The following OR10J1 variants were observed in gnomAD, a reference collection of about 807,000 sequenced individuals.
The protein encoded by OR10J1 is olfactory receptor 10J1.
For synonymous variants in OR10J1, 202 were observed against 143.8 expected (o/e 1.40, Z -2.89); for missense variants, 474 against 376.6 (o/e 1.26, Z -2.14).
the OR10J1 span, among the ~76,000 whole-genome samples, chr1:159,425,916 G>A: frequency 4.0e-5 from 6 of 151,872 alleles, no homozygotes; most frequent in Non-Finnish European, 8.8e-5. Context: ...GCCTCCAAAA[G>A]GCAAGAATTA....
chr1:159,405,272 A>T, the OR10J1 span, among the ~76,000 whole-genome samples: 59 of 152,160 alleles, frequency 3.9e-4, no homozygotes, highest in Non-Finnish European at 8.8e-5. Context: ...AAGGCATCCA[A>T]CATGAATCTT....
At chr1:159,416,597 A>C in the OR10J1 span, among the ~76,000 whole-genome samples, 8 of 152,040 alleles carry the variant, frequency 5.3e-5, no homozygotes, top group South Asian at 1.7e-3. Context: ...GCTGCCTCAT[A>C]CAATGAGTTA....
chr1:159,440,065 A>T lies in OR10J1; in HGVS notation c.274A>T (p.Ile92Leu). ...CAGCCTCGTAGGTATGAGCCAGCCCATATCATTGGCAGGGTGTGCCACACA... is the reference window on the plus strand; with the variant it reads ...CAGCCTCGTAGGTATGAGCCAGCCCTTATCATTGGCAGGGTGTGCCACACA... ...LSSLVGMSQPISLAGCATQMF... is the reference protein window; with the variant it reads ...LSSLVGMSQPLSLAGCATQMF... Residue 92 changes from isoleucine to leucine, a missense_variant, in exon 1 of 1, where the codon ATA (isoleucine) becomes TTA (leucine). Coordinates refer to ENST00000423932, the MANE Select transcript of OR10J1 (RefSeq NM_012351.3). 6.2e-7 allele frequency: 1 copy of T among 1,614,116 alleles called. No individual in the cohort carries two copies. Among genetic ancestry groups the T allele is most frequent in the Non-Finnish European group, 8.5e-7 (1 of 1,180,012 alleles).
the OR10J1 span, among the ~76,000 whole-genome samples, chr1:159,401,127 C>T: frequency 6.6e-6 from 1 of 151,094 alleles, no homozygotes; most frequent in Non-Finnish European, 1.5e-5. Context: ...AATTTTTCAG[C>T]TATAAGTGCC....
chr1:159,414,765 G>A, the OR10J1 span, among the ~76,000 whole-genome samples: 2 of 151,890 alleles, frequency 1.3e-5, no homozygotes, highest in Admixed American at 6.6e-5. Flanking sequence ...TTTAGTAATA[G>A]CCATTCTAAC....
the OR10J1 span, among the ~76,000 whole-genome samples, chr1:159,416,133 G>A: frequency 6.6e-6 from 1 of 151,890 alleles, no homozygotes; most frequent in Non-Finnish European, 1.5e-5. Flanking sequence ...TCAGCAAAGA[G>A]TGACAATTTG....
At chr1:159,397,540 A>C in the OR10J1 span, among the ~76,000 whole-genome samples, 1 of 152,086 alleles carries the variant, frequency 6.6e-6, no homozygotes, top group Non-Finnish European at 1.5e-5. Context: ...GGTGAGTCCC[A>C]GGCTAGACAA....
At chr1:159,416,959 G>T in the OR10J1 span, among the ~76,000 whole-genome samples, 1 of 151,564 alleles carries the variant, frequency 6.6e-6, no homozygotes, top group Non-Finnish European at 1.5e-5. Flanking sequence ...ATTTATTTGG[G>T]TCTTCTCTCT....
chr1:159,406,925 G>C, the OR10J1 span, among the ~76,000 whole-genome samples: 2 of 152,114 alleles, frequency 1.3e-5, no homozygotes, highest in Non-Finnish European at 2.9e-5. Context: ...TGCTCCTTTA[G>C]ATGACTAGTG....
At chr1:159,433,607 G>A (rs1400134322), upstream of OR10J1, among the ~76,000 whole-genome samples, 2 of 152,142 alleles carry the variant, frequency 1.3e-5, no homozygotes, top group African/African-American at 4.8e-5. Flanking sequence ...CCCTCCATTA[G>A]ATCAGGCTGA....
the OR10J1 span, among the ~76,000 whole-genome samples, chr1:159,412,046 GACAA>G: frequency 8.6e-5 from 13 of 151,948 alleles, no homozygotes; most frequent in African/African-American, 3.1e-4. Context: ...ACCAATAACA[GACAA>G]ACAGAGAGCT....
chr1:159,417,950 G>C, the OR10J1 span, among the ~76,000 whole-genome samples: 11 of 152,128 alleles, frequency 7.2e-5, no homozygotes, highest in African/African-American at 2.4e-4. Flanking sequence ...TTATATTTTA[G>C]CAAAGAGACT....
At chr1:159,404,104 G>A in the OR10J1 span, among the ~76,000 whole-genome samples, 6 of 152,038 alleles carry the variant, frequency 3.9e-5, no homozygotes, top group African/African-American at 1.4e-4. Context: ...ACCAGAGGCT[G>A]AAAAGTATAG....
At chr1:159,432,592 C>A in the OR10J1 span, 1 of 471,302 alleles carries the variant, frequency 2.1e-6, no homozygotes, top group East Asian at 3.1e-5. Context: ...ATCTGCAACC[C>A]TCTACAGTAT....
At chr1:159,413,743 G>A in the OR10J1 span, among the ~76,000 whole-genome samples, 1 of 151,246 alleles carries the variant, frequency 6.6e-6, no homozygotes, top group East Asian at 2.0e-4. Context: ...AATGCTAAAT[G>A]ATGAGTTAAT....
chr1:159,427,794 C>A, the OR10J1 span, among the ~76,000 whole-genome samples: 2 of 151,982 alleles, frequency 1.3e-5, no homozygotes, highest in Non-Finnish European at 2.9e-5. Context: ...AGATAATTAT[C>A]GGCCAATAAT....
At chr1:159,398,027 A>G in the OR10J1 span, among the ~76,000 whole-genome samples, 1 of 152,222 alleles carries the variant, frequency 6.6e-6, no homozygotes, top group Non-Finnish European at 1.5e-5. Context: ...CTACACCCCC[A>G]GCTGTAGGTG....
chr1:159,404,877 A>G, the OR10J1 span, among the ~76,000 whole-genome samples: 3 of 152,192 alleles, frequency 2.0e-5, no homozygotes, highest in East Asian at 5.8e-4. Flanking sequence ...ATTAAGGATC[A>G]GGTGAAATCC....
chr1:159,431,712 T>C, the OR10J1 span, among the ~76,000 whole-genome samples: 1 of 152,208 alleles, frequency 6.6e-6, no homozygotes, highest in African/African-American at 2.4e-5. Context: ...CGTTTGGTTT[T>C]TCACTTTCAG....
Sources: gnomAD v4.1 joint callset for allele counts (sites outside exome capture counted in the v4.1 genomes callset) on GRCh38, gnomAD v4.1.1 for gene constraint, MANE v1.5 for transcripts, NCBI Gene and HGNC (gene_info 2026-07-23, HGNC 2026-07-21) for gene names.